The following LRP1B variants were observed in gnomAD, a reference collection of about 807,000 sequenced individuals.
LRP1B encodes the protein low-density lipoprotein receptor-related protein 1B.
In LRP1B, 217 loss-of-function variants were observed where a neutral mutation model predicts 556.6. That is an observed-to-expected ratio of 0.39 (90% CI 0.35 to 0.44). The LOEUF is 0.44. Ranked by LOEUF, LRP1B falls within the 20% of genes least tolerant of loss-of-function variation. The probability of loss-of-function intolerance (pLI) is 1.00; values close to 1 mark genes in which losing one functional copy is unlikely to be tolerated. For synonymous variants in LRP1B, 2,047 were observed against 1,865.8 expected (o/e 1.10, Z -2.50); for missense variants, 5,053 against 5,620.8 (o/e 0.90, Z 3.23).
At chr2:141,647,157 GC>G (rs2105373389) in intron 2 of LRP1B, among the ~76,000 whole-genome samples, 1 of 152,252 alleles carries the variant, frequency 6.6e-6, no homozygotes, top group Admixed American at 6.5e-5. Flanking sequence ...TCAAAGTAAT[GC>G]TTTAGCCAGG....
At chr2:141,803,218 T>G (rs1270709933) in intron 2 of LRP1B, among the ~76,000 whole-genome samples, 2 of 96,596 alleles carry the variant, frequency 2.1e-5, no homozygotes, top group Non-Finnish European at 4.8e-5. Context: ...CAATCGACCT[T>G]TTTTTTTTTT....
At chr2:141,809,050 G>T (rs760239705) in intron 2 of LRP1B, among the ~76,000 whole-genome samples, 4 of 151,980 alleles carry the variant, frequency 2.6e-5, no homozygotes, top group Non-Finnish European at 5.9e-5. Flanking sequence ...ATGCTATAAG[G>T]AATCTAGTAA....
chr2:140,757,366 G>T (rs1460699451), intron 35 of LRP1B, among the ~76,000 whole-genome samples: 1 of 152,130 alleles, frequency 6.6e-6, no homozygotes, highest in Non-Finnish European at 1.5e-5. Context: ...AGCTTTATTT[G>T]TAATAGTCAA....
intron 3 of LRP1B, among the ~76,000 whole-genome samples, chr2:141,387,082 A>G (rs1036295427): frequency 2.6e-5 from 4 of 152,058 alleles, no homozygotes; most frequent in Admixed American, 2.0e-4. Context: ...TAGAAATTTA[A>G]AAAGACTTTA....
At chr2:141,085,504 G>A (rs754508411) in intron 7 of LRP1B, among the ~76,000 whole-genome samples, 4 of 152,140 alleles carry the variant, frequency 2.6e-5, no homozygotes, top group Non-Finnish European at 2.9e-5. Context: ...TGCACACACC[G>A]AGGAAAGACC....
intron 83 of LRP1B, among the ~76,000 whole-genome samples, chr2:140,305,903 G>A (rs12692043): frequency 0.31 from 46,298 of 151,054 alleles, 7,906 homozygotes; most frequent in Non-Finnish European, 0.4. Context: ...TGCATCTATT[G>A]AGATAACCAT....
chr2:140,973,052 T>TTTTATATATATA (rs1472754855), intron 18 of LRP1B, among the ~76,000 whole-genome samples: 1 of 138,578 alleles, frequency 7.2e-6, no homozygotes, highest in South Asian at 2.3e-4. Flanking sequence ...ATATTTCATT[T>TTTTATATATATA]TATATATATA....
chr2:141,203,793 T>G (rs543507461), intron 6 of LRP1B, among the ~76,000 whole-genome samples: 1 of 152,304 alleles, frequency 6.6e-6, no homozygotes, highest in East Asian at 1.9e-4. Context: ...AACACACTCC[T>G]CAGCAAATGC....
chr2:141,331,694 G>A (rs1440070039), intron 3 of LRP1B, among the ~76,000 whole-genome samples: 1 of 152,090 alleles, frequency 6.6e-6, no homozygotes, highest in Non-Finnish European at 1.5e-5. Flanking sequence ...CTTCTCCAGG[G>A]AGGATAGGGA....
intron 2 of LRP1B, among the ~76,000 whole-genome samples, chr2:141,690,910 T>A (rs1421365514): frequency 6.6e-6 from 1 of 151,720 alleles, no homozygotes; most frequent in Non-Finnish European, 1.5e-5. Flanking sequence ...AGTTTTTTAA[T>A]GAGGTACAGC....
rs373871111 is a variant in LRP1B at position 141,818,505 on chromosome 2, T to C, written c.83-8104A>G. On this transcript the variant is annotated intron_variant, in intron 1 of 90. Coordinates refer to ENST00000389484, the MANE Select transcript of LRP1B (RefSeq NM_018557.3). ...TAACTCTCCTTAATATTCTATTCAC[T>C]TTCCCTAAATATAACATTTCTGTAT... 1.6e-4 allele frequency among the ~76,000 whole-genome samples: 25 copies of C among 151,732 alleles called. No individual in the cohort carries two copies. The East Asian group carries it at 1.8e-3, about 11-fold the overall frequency.
chr2:140,711,087 G>T (rs1687015528), intron 37 of LRP1B, among the ~76,000 whole-genome samples: 1 of 152,062 alleles, frequency 6.6e-6, no homozygotes, highest in African/African-American at 2.4e-5. Context: ...CAGAATAAAA[G>T]TAGAGAAGTC....
At chr2:140,558,132 G>A (rs1279431906) in intron 43 of LRP1B, among the ~76,000 whole-genome samples, 1 of 152,162 alleles carries the variant, frequency 6.6e-6, no homozygotes, top group African/African-American at 2.4e-5. Flanking sequence ...TAGCAAGGAT[G>A]TGGAAAAGTA....
chr2:140,725,205 T>C (rs1156886819), intron 35 of LRP1B, among the ~76,000 whole-genome samples: 2 of 152,212 alleles, frequency 1.3e-5, no homozygotes, highest in African/African-American at 2.4e-5. Flanking sequence ...ATTACTCTTT[T>C]AAAGATATTT....
At chr2:142,089,582 G>A (rs896496009) in intron 1 of LRP1B, among the ~76,000 whole-genome samples, 1 of 152,222 alleles carries the variant, frequency 6.6e-6, no homozygotes, top group Non-Finnish European at 1.5e-5. Flanking sequence ...AGGGCATCCT[G>A]TCAAAGACGC....
chr2:142,057,371 C>T (rs1483121622), intron 1 of LRP1B, among the ~76,000 whole-genome samples: 1 of 152,072 alleles, frequency 6.6e-6, no homozygotes, highest in Non-Finnish European at 1.5e-5. Context: ...CTAAAAAATC[C>T]AAGTTCTATG....
chr2:140,461,172 A>T (rs1444309904), intron 60 of LRP1B, among the ~76,000 whole-genome samples: 1 of 151,690 alleles, frequency 6.6e-6, no homozygotes, highest in African/African-American at 2.4e-5. Context: ...ACTCTATTAC[A>T]ATACTCTTGA....
rs147180243 is a variant in LRP1B, at chr2:140,343,518, TGAAG to T, written c.11892+7275_11892+7278del. Among the ~76,000 whole-genome samples the T allele has an allele frequency of 2.5e-3, 379 of 151,664 alleles. 1 individual carries two copies. Among genetic ancestry groups the T allele is most frequent in the African/African-American group, 8.7e-3 (359 of 41,448 alleles). Reference sequence around the variant, plus strand: ...GTATCTCAAAATATAAATATTGAAATGAAGGATGTTATATACATACTATGAGTGC... The same window carrying T: ...GTATCTCAAAATATAAATATTGAAATGATGTTATATACATACTATGAGTGC... On this transcript the variant is annotated intron_variant, in intron 77 of 90. Coordinates refer to ENST00000389484, the MANE Select transcript of LRP1B (RefSeq NM_018557.3).
At chr2:140,730,850 C>T (rs776950262) in intron 35 of LRP1B, among the ~76,000 whole-genome samples, 40 of 152,108 alleles carry the variant, frequency 2.6e-4, no homozygotes, top group Non-Finnish European at 5.0e-4. Context: ...AGCCGCCACG[C>T]CCAGCCTCGA....
Sources: gnomAD v4.1 joint callset for allele counts (sites outside exome capture counted in the v4.1 genomes callset) on GRCh38, gnomAD v4.1.1 for gene constraint, MANE v1.5 for transcripts, NCBI Gene and HGNC (gene_info 2026-07-23, HGNC 2026-07-21) for gene names.